Variants in SNCAIP observed in about 807,000 individuals in gnomAD.
The protein encoded by SNCAIP is synphilin-1.
A neutral mutation model predicts 86.7 loss-of-function variants in SNCAIP; 43 were observed. That is an observed-to-expected ratio of 0.50 (90% CI 0.39 to 0.64). The LOEUF is 0.64. Ranked by LOEUF, SNCAIP falls within the 30% of genes least tolerant of loss-of-function variation. The probability of loss-of-function intolerance (pLI) is 0.00; values close to 1 mark genes in which losing one functional copy is unlikely to be tolerated. For synonymous variants in SNCAIP, 417 were observed against 427.2 expected, an observed-to-expected ratio of 0.98 and a Z score of 0.29; for missense variants, 981 against 1,103.1, an observed-to-expected ratio of 0.89 and a Z score of 1.57.
At chr5:122,405,197 G>T (rs1044386992) in intron 3 of SNCAIP, among the ~76,000 whole-genome samples, 3 of 152,106 alleles carry the variant, frequency 2.0e-5, no homozygotes, top group South Asian at 2.1e-4. Flanking sequence ...TAGAGTTCAG[G>T]CACTTATCAG....
At chr5:122,426,496 A>G (rs1341181436) in intron 5 of SNCAIP, among the ~76,000 whole-genome samples, 1 of 152,162 alleles carries the variant, frequency 6.6e-6, no homozygotes, top group Non-Finnish European at 1.5e-5. Flanking sequence ...TTGTATTTTT[A>G]ATTTGATGAT....
At chr5:122,431,231 A>C (rs1324922739) in intron 5 of SNCAIP, among the ~76,000 whole-genome samples, 1 of 152,146 alleles carries the variant, frequency 6.6e-6, no homozygotes, top group Non-Finnish European at 1.5e-5. Context: ...TACAGCTACC[A>C]TATGACTCAG....
intron 1 of SNCAIP, among the ~76,000 whole-genome samples, chr5:122,350,410 T>C (rs1759513215): frequency 6.6e-6 from 1 of 152,104 alleles, no homozygotes; most frequent in Non-Finnish European, 1.5e-5. Context: ...CAGTATACAA[T>C]AGTATATTTT....
chr5:122,426,288 A>G (rs903015004), intron 5 of SNCAIP, among the ~76,000 whole-genome samples: 1 of 152,230 alleles, frequency 6.6e-6, no homozygotes, highest in Non-Finnish European at 1.5e-5. Context: ...GTATTTTTGC[A>G]TATGTGCTTT....
At chr5:122,323,626 C>T (rs545801448) in intron 1 of SNCAIP, among the ~76,000 whole-genome samples, 2 of 152,314 alleles carry the variant, frequency 1.3e-5, no homozygotes, top group East Asian at 1.9e-4. Flanking sequence ...ATAAAATAAG[C>T]ATCACGATGT....
chr5:122,395,834 G>A (rs1249852484), intron 2 of SNCAIP, among the ~76,000 whole-genome samples: 3 of 152,034 alleles, frequency 2.0e-5, no homozygotes, highest in Non-Finnish European at 4.4e-5. Context: ...GGTATTCAAG[G>A]TACAAAGAAC....
intron 1 of SNCAIP, among the ~76,000 whole-genome samples, chr5:122,383,863 A>T (rs990228568): frequency 6.6e-6 from 1 of 152,226 alleles, no homozygotes; most frequent in Non-Finnish European, 1.5e-5. Flanking sequence ...GGATGGTCAT[A>T]ATCCAATTTT....
At chr5:122,406,945 A>G (rs1177145230) in intron 3 of SNCAIP, among the ~76,000 whole-genome samples, 1 of 152,310 alleles carries the variant, frequency 6.6e-6, no homozygotes, top group Middle Eastern at 3.4e-3. Context: ...TAGGTTGTCA[A>G]ATGTTAACAT....
intron 5 of SNCAIP, among the ~76,000 whole-genome samples, chr5:122,429,472 T>C (rs200212998): frequency 1.6e-5 from 2 of 122,694 alleles, no homozygotes; most frequent in African/African-American, 2.9e-5. Flanking sequence ...AAAAAAAAAA[T>C]AGAAGACCTA....
chr5:122,403,684 C>T, intron 2 of SNCAIP, 109 bp from the exon 3 acceptor site: 1 of 886,746 alleles, frequency 1.1e-6, no homozygotes, highest in South Asian at 1.3e-5. Flanking sequence ...TCTGAATATA[C>T]ATGTTGTGCC....
At chr5:122,443,712 CTT>C (rs1229490998) in intron 7 of SNCAIP, 3 of 453,756 alleles carry the variant, frequency 6.6e-6, no homozygotes, top group Non-Finnish European at 1.3e-5. Flanking sequence ...TCCGGTATCT[CTT>C]TGCTTAACTG....
At chr5:122,389,721 TGGATA>T (rs1014893526) in intron 1 of SNCAIP, 53 of 152,354 alleles carry the variant, frequency 3.5e-4, no homozygotes, top group African/African-American at 1.2e-3. Flanking sequence ...ATTTGCTAAA[TGGATA>T]ATCTCATTTA....
chr5:122,409,944 A>G (rs139902935), intron 3 of SNCAIP, among the ~76,000 whole-genome samples: 141 of 152,370 alleles, frequency 9.3e-4, no homozygotes, highest in African/African-American at 3.2e-3. Flanking sequence ...CACAGGATGT[A>G]ATGTAAACTG....
intron 8 of SNCAIP, among the ~76,000 whole-genome samples, chr5:122,449,599 A>T (rs1266488240): frequency 2.6e-5 from 4 of 152,158 alleles, no homozygotes; most frequent in Non-Finnish European, 4.4e-5. Flanking sequence ...GTTCACTGAG[A>T]CTTACTGCTA....
intron 1 of SNCAIP, among the ~76,000 whole-genome samples, chr5:122,382,678 C>A (rs1767122193): frequency 2.0e-5 from 3 of 151,986 alleles, no homozygotes; most frequent in African/African-American, 7.3e-5. Context: ...GTGGTTTTAT[C>A]TACTTTTGGT....
rs142918972 is a variant in SNCAIP at position 122,425,423 on chromosome 5, G to A, written c.1074G>A (p.Ala358=). Residue 358 remains alanine (A), a synonymous_variant, in exon 5 of 11, where the codon GCG becomes GCA. Coordinates refer to ENST00000261368, the MANE Select transcript of SNCAIP (RefSeq NM_005460.4). Reference sequence around the variant, plus strand: ...GAAACAATCTATTACATATTGCGGCGTCACAGGGACACGCAGAGTGTCTAC... The same window carrying A: ...GAAACAATCTATTACATATTGCGGCATCACAGGGACACGCAGAGTGTCTAC... ...ENGNNLLHIA[A]SQGHAECLQH... 2.4e-5 allele frequency: 38 copies of A among 1,613,816 alleles called. No individual in the cohort carries two copies. The highest frequency in any genetic ancestry group is 1.1e-4 in the East Asian group (5 of 44,860).
chr5:122,442,177 G>A (rs1781161823), intron 7 of SNCAIP, among the ~76,000 whole-genome samples: 1 of 126,526 alleles, frequency 7.9e-6, no homozygotes, highest in Non-Finnish European at 1.6e-5. Flanking sequence ...AACTCAGTGT[G>A]CTCAGTTATT....
At position 122,440,711 on chromosome 5, in the gene SNCAIP, C is replaced by T. The variant is rs745987054; in HGVS notation, c.1379C>T (p.Ala460Val). Residue 460 changes from alanine to valine, a missense_variant, in exon 7 of 11, where the codon GCC becomes GTC. Coordinates refer to ENST00000261368, the MANE Select transcript of SNCAIP (RefSeq NM_005460.4). The part of the protein sequence containing the change: ...LDEVDQDGNS[A>V]VHVASQHGYL... ...GAAGTAGACCAGGATGGCAACAGTG[C>T]CGTTCACGTAGCCTCACAGCATGGC... The T allele has an allele frequency of 3.1e-6, 5 of 1,613,946 alleles. No individual in the cohort carries two copies. The highest frequency in any genetic ancestry group is 4.2e-6 in the Non-Finnish European group (5 of 1,179,830).
chr5:122,459,052 T>A (rs1785484454), intron 10 of SNCAIP, among the ~76,000 whole-genome samples: 1 of 152,120 alleles, frequency 6.6e-6, no homozygotes. Context: ...GGTGTGTTCT[T>A]TATCAATATT....
Sources: allele counts gnomAD v4.1 joint callset (sites outside exome capture counted in the v4.1 genomes callset), GRCh38; gene constraint gnomAD v4.1.1; transcripts MANE v1.5; gene names NCBI Gene and HGNC (gene_info 2026-07-23, HGNC 2026-07-21).